The following DLX2 variants were observed in gnomAD, a reference collection of about 807,000 sequenced individuals.
DLX2 encodes distal-less homeobox 2.
Under a neutral mutation model 27.4 loss-of-function variants are expected in DLX2, and 8 were observed. The observed-to-expected ratio is 0.29, with a 90% confidence interval of 0.17 to 0.53. The LOEUF (loss-of-function observed/expected upper bound fraction) is 0.53, where lower values mean the gene tolerates loss of function less well. Ranked by LOEUF, DLX2 falls within the 20% of genes least tolerant of loss-of-function variation. The pLI, the probability that DLX2 is intolerant of heterozygous loss-of-function variation, is 0.96. For synonymous variants in DLX2, 210 were observed against 200.8 expected, an observed-to-expected ratio of 1.05 and a Z score of -0.39; for missense variants, 421 against 450.9, an observed-to-expected ratio of 0.93 and a Z score of 0.60.
chr2:172,100,584 C>G lies in DLX2; in HGVS notation c.946G>C (p.Gly316Arg), dbSNP rs775343774. The change falls in exon 3 of 3, where the codon GGC (glycine) becomes CGC (arginine). Residue 316 changes from glycine (G) to arginine (R), a missense_variant. Physicochemically the swap from Gly to Arg is moderately radical, Grantham distance 125 (BLOSUM62 -2). Around this residue, in one of 5 missense-constraint regions of DLX2, gnomAD observed 185 missense variants for 171.1 expected, o/e 1.08. Coordinates refer to ENST00000234198, the MANE Select transcript of DLX2 (RefSeq NM_004405.4). This position sits in a 1 kb window ranked among gnomAD's most constrained non-coding sequence, Gnocchi z 4.5. ...PQPHHHHHHH[G>R]GGGAPVSAGT... Reference sequence around the variant, plus strand: ...GCGCTCACCGGGGCGCCCCCGCCGCCGTGATGGTGGTGGTGGTGATGCGGC... The same window carrying G: ...GCGCTCACCGGGGCGCCCCCGCCGCGGTGATGGTGGTGGTGGTGATGCGGC... 12 of 1,579,050 alleles carry G rather than the reference C, an allele frequency of 7.6e-6. No homozygotes were observed. Among genetic ancestry groups the G allele is most frequent in the South Asian group, 3.4e-5 (3 of 87,064 alleles).
chr2:172,102,781 C>T lies in DLX2; in HGVS notation c.-243G>A. 2.3e-6 allele frequency: 1 copy of T among 427,190 alleles called. No homozygotes were observed. The highest frequency in any genetic ancestry group is 5.3e-5 in the South Asian group (1 of 18,968). 26.5% of individuals were successfully genotyped at this position (427,190 alleles called of 1,614,324 possible). A position where few individuals can be genotyped will look rare whatever the true frequency, so the allele number is the denominator to read the frequency against. On this transcript the variant is annotated 5_prime_UTR_variant, in exon 1 of 3. Coordinates refer to ENST00000234198, the MANE Select transcript of DLX2 (RefSeq NM_004405.4). ...CTCTGGGCCCGCTCGGCTCCTTGCC[C>T]AGCGCGAGCGCGGGCTCTGGCGGGG...
At position 172,100,555 on chromosome 2, in the gene DLX2, C is replaced by T. The variant is rs756923058; in HGVS notation, c.975G>A (p.Gly325=). The T allele has an allele frequency of 1.9e-6, 3 of 1,576,158 alleles. No homozygotes were observed. The highest frequency in any genetic ancestry group is 2.3e-5 in the South Asian group (2 of 86,530). ...GTTCTCCCTGGGGTTAGAAAATCGT[C>T]CCCGCGCTCACCGGGGCGCCCCCGC... ...HGGGGAPVSA[G]TIF is the part of the protein sequence containing the mutation. The change falls in exon 3 of 3, where the codon GGG becomes GGA. Residue 325 remains glycine (G), a synonymous_variant. Transcript: ENST00000234198. The surrounding 1 kb of genome is among the most constrained non-coding windows in gnomAD (Gnocchi z 4.5).
intron 1 of DLX2, 109 bp downstream of exon 1, chr2:172,102,030 G>A (rs1691167313): frequency 5.3e-6 from 8 of 1,504,508 alleles, no homozygotes; most frequent in Admixed American, 2.2e-5. Flanking sequence ...CGGTGAGCAG[G>A]CAGCGTGAAA....
rs1232987684 is a variant in DLX2, at chr2:172,100,850, G to A, written c.680C>T (p.Ser227Phe). The change falls in exon 3 of 3, where the codon TCT (serine) becomes TTT (phenylalanine). Residue 227 changes from serine (S) to phenylalanine (F), a missense_variant. Coordinates refer to ENST00000234198, the MANE Select transcript of DLX2 (RefSeq NM_004405.4). The surrounding 1 kb of genome is among the most constrained non-coding windows in gnomAD (Gnocchi z 4.5). ...PSEQHPGASA[S>F]PPCASPPVSA... Reference sequence around the variant, plus strand: ...GACTGGCGGCGAAGCACAAGGTGGAGAAGCGCTGGCCCCAGGGTGCTGCTC... The same window carrying A: ...GACTGGCGGCGAAGCACAAGGTGGAAAAGCGCTGGCCCCAGGGTGCTGCTC... The A allele has an allele frequency of 1.2e-6, 2 of 1,612,652 alleles. No individual in the cohort carries two copies. Among genetic ancestry groups the A allele is most frequent in the East Asian group, 4.5e-5 (2 of 44,810 alleles).
chr2:172,100,776 C>T lies in DLX2; in HGVS notation c.754G>A (p.Gly252Ser), dbSNP rs1295035593. The change falls in exon 3 of 3, where the codon GGC becomes AGC. Residue 252 changes from glycine (G) to serine (S), a missense_variant. By Grantham distance (56) the Gly-to-Ser change is moderately conservative. Around this residue, in one of 5 missense-constraint regions of DLX2, gnomAD observed 185 missense variants for 171.1 expected, o/e 1.08. Transcript: ENST00000234198. The surrounding 1 kb of genome is among the most constrained non-coding windows in gnomAD (Gnocchi z 4.5). ...CTGCCGCCACTGCCCGGACCACCGC[C>T]GCCCGCCATCCGCTGCGGCACACCA... ...DFGVPQRMAG[G>S]GGPGSGGSGA... 1 of 1,582,554 alleles carries T rather than the reference C, an allele frequency of 6.3e-7. No homozygotes were observed. Among genetic ancestry groups the T allele is most frequent in the Non-Finnish European group, 8.6e-7 (1 of 1,164,266 alleles).
rs1691135390 is a variant in DLX2 at position 172,100,665 on chromosome 2, A to T, written c.865T>A (p.Ser289Thr). ...NYPWYHQTSGSASHLQATAPL... is the reference protein window; with the variant it reads ...NYPWYHQTSGTASHLQATAPL... Reference sequence around the variant, plus strand: ...GCCGTGGCCTGCAGGTGTGAGGCGGATCCCGAGGTCTGGTGGTACCAGGGG... The same window carrying T: ...GCCGTGGCCTGCAGGTGTGAGGCGGTTCCCGAGGTCTGGTGGTACCAGGGG... The change falls in exon 3 of 3, where the codon TCC becomes ACC. Residue 289 changes from serine (S) to threonine (T), a missense_variant. This residue lies in a region of DLX2 where 185 missense variants were observed against 171.1 expected (regional missense o/e 1.08). Transcript: ENST00000234198. The surrounding 1 kb of genome is among the most constrained non-coding windows in gnomAD (Gnocchi z 4.5). The T allele has an allele frequency of 6.4e-7, 1 of 1,563,770 alleles. No individual in the cohort carries two copies. The highest frequency in any genetic ancestry group is 8.6e-7 in the Non-Finnish European group (1 of 1,162,066).
At chr2:172,102,073 C>T in intron 1 of DLX2, 66 bp downstream of exon 1, 1 of 1,544,640 alleles carries the variant, frequency 6.5e-7, no homozygotes, top group Non-Finnish European at 8.7e-7. Flanking sequence ...CCGCCCCAAA[C>T]ACGTTTACCC....
In DLX2 at chr2:172,100,401, G is replaced by A; in HGVS notation, c.*142C>T. ...GTTTGGTGGCCCCGGGAGTGAGCAG[G>A]GCCTGAGACGGGCCACTGCAGGTCG... On this transcript the variant is annotated 3_prime_UTR_variant, in exon 3 of 3. Coordinates refer to ENST00000234198, the MANE Select transcript of DLX2 (RefSeq NM_004405.4). The surrounding 1 kb of genome is among the most constrained non-coding windows in gnomAD (Gnocchi z 4.5). 1.1e-6 allele frequency: 1 copy of A among 912,698 alleles called. No individual in the cohort carries two copies. Among genetic ancestry groups the A allele is most frequent in the Middle Eastern group, 3.4e-4 (1 of 2,934 alleles). The allele number at this position is 912,698 out of a possible 1,614,324, so 56.5% of individuals were successfully genotyped here. A position where few individuals can be genotyped will look rare whatever the true frequency, so the allele number is the denominator to read the frequency against.
Position 172,102,696 on chromosome 2 carries a change from G to GA in DLX2, c.-159_-158insT. 3.5e-5 allele frequency: 24 copies of GA among 694,626 alleles called. No homozygotes were observed. Among genetic ancestry groups the GA allele is most frequent in the Non-Finnish European group, 4.9e-5 (21 of 429,714 alleles). The allele number at this position is 694,626 out of a possible 1,614,324, so 43.0% of individuals were successfully genotyped here. On this transcript the variant is annotated 5_prime_UTR_variant, in exon 1 of 3. Transcript: ENST00000234198. ...AACCGTCTAGGCGCCTCCTCCTCCGGGGGAGGCGATCACCGTGCGCTGCTC... is the reference window on the plus strand; with the variant it reads ...AACCGTCTAGGCGCCTCCTCCTCCGGAGGGAGGCGATCACCGTGCGCTGCTC...
chr2:172,101,709 A>G, intron 1 of DLX2, 63 bp from the exon 2 acceptor site: 1 of 1,503,778 alleles, frequency 6.6e-7, no homozygotes, highest in Middle Eastern at 2.2e-4. Context: ...CCGCCCTCCT[A>G]GAGGGCCCGG....
At position 172,101,802 on chromosome 2, in the gene DLX2, G is replaced by A. The variant is rs148817643; in HGVS notation, c.401-156C>T. On this transcript the variant is annotated intron_variant, in intron 1 of 2. Transcript: ENST00000234198. The stretch of plus-strand genomic sequence containing the variant: ...AGGCGCAACTTCGCAGCGTGCGATC[G>A]GAGCCGCCACCGACCCCGGGAGCTG... 4.4e-3 allele frequency among the ~76,000 whole-genome samples: 670 copies of A among 152,372 alleles called. 1 individual carries two copies. Among genetic ancestry groups the A allele is most frequent in the Non-Finnish European group, 7.8e-3 (528 of 68,040 alleles).
At position 172,100,434 on chromosome 2, in the gene DLX2, C is replaced by A; in HGVS notation, c.*109G>T. 1 of 1,272,482 alleles carries A rather than the reference C, an allele frequency of 7.9e-7. No individual in the cohort carries two copies. The highest frequency in any genetic ancestry group is 1.1e-6 in the Non-Finnish European group (1 of 947,184). 78.8% of individuals were successfully genotyped at this position (1,272,482 alleles called of 1,614,324 possible). On this transcript the variant is annotated 3_prime_UTR_variant, in exon 3 of 3. Coordinates refer to ENST00000234198, the MANE Select transcript of DLX2 (RefSeq NM_004405.4). This position sits in a 1 kb window ranked among gnomAD's most constrained non-coding sequence, Gnocchi z 4.5. ...ACGGGCCACTGCAGGTCGCAGCCTG[C>A]AGGAGAGGTGGGTGGCGGCAGCGGG...
chr2:172,101,017 AAAG>A, intron 2 of DLX2, 73 bp from the exon 3 acceptor site: 1 of 1,522,874 alleles, frequency 6.6e-7, no homozygotes, highest in South Asian at 1.2e-5. Context: ...AGAGGAGAAA[AAAG>A]AAGGCAGAGA....
chr2:172,100,727 C>T lies in DLX2; in HGVS notation c.803G>A (p.Ser268Asn). The change falls in exon 3 of 3, where the codon AGC becomes AAC. Residue 268 changes from serine to asparagine, a missense_variant. This residue lies in a region of DLX2 where 185 missense variants were observed against 171.1 expected (regional missense o/e 1.08). Coordinates refer to ENST00000234198, the MANE Select transcript of DLX2 (RefSeq NM_004405.4). The surrounding 1 kb of genome is among the most constrained non-coding windows in gnomAD (Gnocchi z 4.5). ...GGSGAGSSGSSPSSAASAFLG... is the reference protein window; with the variant it reads ...GGSGAGSSGSNPSSAASAFLG... ...AAAAGCCGAGGCCGCGCTGCTCGGG[C>T]TGGAGCCCGAGCTGCCGGCGCCGCT... The T allele has an allele frequency of 6.5e-7, 1 of 1,548,432 alleles. No individual in the cohort carries two copies. The highest frequency in any genetic ancestry group is 8.7e-7 in the Non-Finnish European group (1 of 1,153,104).
chr2:172,102,428 C>A lies in DLX2; in HGVS notation c.111G>T (p.Pro37=). The A allele has an allele frequency of 6.5e-7, 1 of 1,548,602 alleles. No individual in the cohort carries two copies. The highest frequency in any genetic ancestry group is 8.7e-7 in the Non-Finnish European group (1 of 1,146,198). The change falls in exon 1 of 3, where the codon CCG becomes CCT. Residue 37 remains proline (P), a synonymous_variant. Coordinates refer to ENST00000234198, the MANE Select transcript of DLX2 (RefSeq NM_004405.4). Reference sequence around the variant, plus strand: ...TGCTGCTGCTGCTGCTGTTGCCACCCGGGCCGGCGCCGCCGCCGCTCGGGG... The same window carrying A: ...TGCTGCTGCTGCTGCTGTTGCCACCAGGGCCGGCGCCGCCGCCGCTCGGGG... ...QQPPSGGGAG[P]GGNSSSSSSL...
In DLX2 at chr2:172,100,485, G is replaced by A. The variant is rs1691131742; in HGVS notation, c.*58C>T. ...CCGGGAGGAGGGAACCCCGGCTCGG[G>A]GTAAGCAATGAGGATAAGTGGTCTC... On this transcript the variant is annotated 3_prime_UTR_variant, in exon 3 of 3. Coordinates refer to ENST00000234198, the MANE Select transcript of DLX2 (RefSeq NM_004405.4). The surrounding 1 kb of genome is among the most constrained non-coding windows in gnomAD (Gnocchi z 4.5). 7 of 1,478,348 alleles carry A rather than the reference G, an allele frequency of 4.7e-6. No homozygotes were observed. Among genetic ancestry groups the A allele is most frequent in the Middle Eastern group, 1.9e-4 (1 of 5,348 alleles). The allele number at this position is 1,478,348 out of a possible 1,614,324, so 91.6% of individuals were successfully genotyped here. A position where few individuals can be genotyped will look rare whatever the true frequency, so the allele number is the denominator to read the frequency against.
In DLX2 at chr2:172,100,462, G is replaced by T; in HGVS notation, c.*81C>A. 1 of 1,428,130 alleles carries T rather than the reference G, an allele frequency of 7.0e-7. No individual in the cohort carries two copies. Among genetic ancestry groups the T allele is most frequent in the Non-Finnish European group, 9.3e-7 (1 of 1,077,928 alleles). The allele number at this position is 1,428,130 out of a possible 1,614,324, so 88.5% of individuals were successfully genotyped here. A position where few individuals can be genotyped will look rare whatever the true frequency, so the allele number is the denominator to read the frequency against. ...GAGAGGTGGGTGGCGGCAGCGGGCC[G>T]GGAGGAGGGAACCCCGGCTCGGGGT... On this transcript the variant is annotated 3_prime_UTR_variant, in exon 3 of 3. Coordinates refer to ENST00000234198, the MANE Select transcript of DLX2 (RefSeq NM_004405.4). The surrounding 1 kb of genome is among the most constrained non-coding windows in gnomAD (Gnocchi z 4.5).
At position 172,100,679 on chromosome 2, in the gene DLX2, T is replaced by G; in HGVS notation, c.851A>C (p.His284Pro). ...SAFLGNYPWY[H>P]QTSGSASHLQ... ...GTGTGAGGCGGATCCCGAGGTCTGG[T>G]GGTACCAGGGGTAGTTGCCCAGAAA... is the stretch of plus-strand genomic sequence containing the variant. Residue 284 changes from histidine to proline, a missense_variant, in exon 3 of 3, where the codon CAC (histidine) becomes CCC (proline). His to Pro is a moderately conservative substitution (Grantham distance 77). Coordinates refer to ENST00000234198, the MANE Select transcript of DLX2 (RefSeq NM_004405.4). The surrounding 1 kb of genome is among the most constrained non-coding windows in gnomAD (Gnocchi z 4.5). 6.4e-7 allele frequency: 1 copy of G among 1,560,208 alleles called. No individual in the cohort carries two copies. Among genetic ancestry groups the G allele is most frequent in the Non-Finnish European group, 8.6e-7 (1 of 1,161,480 alleles).
rs1445520798 is a variant in DLX2, at chr2:172,100,466, G to A, written c.*77C>T. 9.0e-6 allele frequency: 13 copies of A among 1,439,312 alleles called. No individual in the cohort carries two copies. The South Asian group carries it at 1.1e-4, about 13-fold the overall frequency. 89.2% of individuals were successfully genotyped at this position (1,439,312 alleles called of 1,614,324 possible). ...GGTGGGTGGCGGCAGCGGGCCGGGA[G>A]GAGGGAACCCCGGCTCGGGGTAAGC... On this transcript the variant is annotated 3_prime_UTR_variant, in exon 3 of 3. Coordinates refer to ENST00000234198, the MANE Select transcript of DLX2 (RefSeq NM_004405.4). This position sits in a 1 kb window ranked among gnomAD's most constrained non-coding sequence, Gnocchi z 4.5.
Sources: allele counts gnomAD v4.1 joint callset (sites outside exome capture counted in the v4.1 genomes callset), GRCh38; gene constraint gnomAD v4.1.1; regional missense constraint gnomAD v4.1.1; non-coding constraint Gnocchi (gnomAD v3.1); transcripts MANE v1.5; gene names NCBI Gene and HGNC (gene_info 2026-07-23, HGNC 2026-07-21).